The following CSMD3 variants were observed in gnomAD, a reference collection of about 807,000 sequenced individuals.
CSMD3 encodes the protein CUB and sushi domain-containing protein 3.
In CSMD3, 177 loss-of-function variants were observed where a neutral mutation model predicts 435.2. The ratio of observed to expected loss-of-function variants is 0.41; its 90% CI spans 0.36 to 0.46. The LOEUF (loss-of-function observed/expected upper bound fraction) is 0.46. Ranked by LOEUF, CSMD3 falls within the 20% of genes least tolerant of loss-of-function variation. The probability of loss-of-function intolerance (pLI) is 0.34; values close to 1 mark genes in which losing one functional copy is unlikely to be tolerated. For synonymous variants in CSMD3, 1,656 were observed against 1,520.5 expected, an observed-to-expected ratio of 1.09 and a Z score of -2.07; for missense variants, 4,265 against 4,504.6, an observed-to-expected ratio of 0.95 and a Z score of 1.52.
At chr8:113,097,709 T>C (rs1438313781) in intron 5 of CSMD3, among the ~76,000 whole-genome samples, 1 of 152,096 alleles carries the variant, frequency 6.6e-6, no homozygotes, top group Non-Finnish European at 1.5e-5. Context: ...CAATTAAATA[T>C]ATTCAAAACA....
intron 45 of CSMD3, among the ~76,000 whole-genome samples, chr8:112,324,611 G>A (rs781558410): frequency 6.8e-6 from 1 of 147,666 alleles, no homozygotes; most frequent in Admixed American, 6.8e-5. Flanking sequence ...GTTTTCTGGA[G>A]ATGAATGATA....
At chr8:112,876,188 T>C (rs985759327) in intron 10 of CSMD3, among the ~76,000 whole-genome samples, 1 of 152,086 alleles carries the variant, frequency 6.6e-6, no homozygotes, top group Admixed American at 6.6e-5. Flanking sequence ...TAGTAATTAA[T>C]AGTATACCAA....
intron 45 of CSMD3, 75 bp downstream of exon 45, chr8:112,335,254 A>T (rs1824447318): frequency 7.3e-7 from 1 of 1,367,844 alleles, no homozygotes; most frequent in Non-Finnish European, 1.0e-6. Context: ...TTGGTTAAAT[A>T]TATATTACAT....
At chr8:112,330,137 A>T (rs1586787030) in intron 45 of CSMD3, among the ~76,000 whole-genome samples, 1 of 152,154 alleles carries the variant, frequency 6.6e-6, no homozygotes. Context: ...GCATGTCCTT[A>T]CATCTGCAGC....
At chr8:112,281,924 G>A (rs535855357) in intron 58 of CSMD3, among the ~76,000 whole-genome samples, 8 of 152,000 alleles carry the variant, frequency 5.3e-5, no homozygotes, top group East Asian at 3.9e-4. Context: ...ATTAGTAATC[G>A]TTTTCATTAA....
In CSMD3 at chr8:112,689,941, A is replaced by C; in HGVS notation, c.2082T>G (p.Phe694Leu). The change falls in exon 14 of 71, where the codon TTT becomes TTG. Residue 694 changes from phenylalanine (F) to leucine (L), a missense_variant. Coordinates refer to ENST00000297405, the MANE Select transcript of CSMD3 (RefSeq NM_198123.2). ...CAATGGATTTCTCTCCAATTAATTC[A>C]AACCCAAACTGGCATTCAAACCTTA... ...DVLRFECQFGFELIGEKSIVC... is the reference protein window; with the variant it reads ...DVLRFECQFGLELIGEKSIVC... 1 of 1,613,398 alleles carries C rather than the reference A, an allele frequency of 6.2e-7. No individual in the cohort carries two copies. Among genetic ancestry groups the C allele is most frequent in the Non-Finnish European group, 8.5e-7 (1 of 1,179,518 alleles).
In CSMD3 at chr8:112,390,691, G is replaced by A. The variant is rs1427727749; in HGVS notation, c.5907C>T (p.Ile1969=). Residue 1969 remains isoleucine, a synonymous_variant, in exon 36 of 71, where the codon ATC becomes ATT. Transcript: ENST00000297405. ...YDNNLNCVWK[I]TVPEGAGIQV... Reference sequence around the variant, plus strand: ...GAATGCCAGCTCCCTCTGGCACTGTGATCTTCCACACACAATTCAGATTGT... The same window carrying A: ...GAATGCCAGCTCCCTCTGGCACTGTAATCTTCCACACACAATTCAGATTGT... 8.7e-6 allele frequency: 14 copies of A among 1,613,386 alleles called. No individual in the cohort carries two copies. The highest frequency in any genetic ancestry group is 1.2e-5 in the Non-Finnish European group (14 of 1,179,350).
At chr8:112,922,911 A>G (rs554814070) in intron 9 of CSMD3, among the ~76,000 whole-genome samples, 28 of 152,298 alleles carry the variant, frequency 1.8e-4, no homozygotes, top group African/African-American at 4.1e-4. Flanking sequence ...AAAAGTTTAC[A>G]TAACGGTCAA....
rs139308238 is a variant in CSMD3 at position 112,642,408 on chromosome 8, G to A, written c.3310+2701C>T. On this transcript the variant is annotated intron_variant, in intron 20 of 70. Coordinates refer to ENST00000297405, the MANE Select transcript of CSMD3 (RefSeq NM_198123.2). ...GCAATGTAGGCTGAATGACACTGTC[G>A]TTAACTGAGTTTGAAACTACTGAAC... Among the ~76,000 whole-genome samples the A allele has an allele frequency of 4.6e-3, 699 of 152,204 alleles. 7 individuals are homozygous for A. The highest frequency in any genetic ancestry group is 0.016 in the African/African-American group (663 of 41,542).
chr8:112,526,534 T>C (rs1337486277), intron 27 of CSMD3, among the ~76,000 whole-genome samples: 1 of 152,046 alleles, frequency 6.6e-6, no homozygotes, highest in East Asian at 1.9e-4. Context: ...ACAATTTTAT[T>C]GGTTGCAATT....
intron 13 of CSMD3, among the ~76,000 whole-genome samples, chr8:112,705,467 T>A (rs888339303): frequency 6.6e-6 from 1 of 152,102 alleles, no homozygotes; most frequent in Non-Finnish European, 1.5e-5. Context: ...TCTGCTCTGG[T>A]CACTTCTTTG....
intron 1 of CSMD3, among the ~76,000 whole-genome samples, chr8:113,435,674 A>G (rs939294414): frequency 6.6e-6 from 1 of 151,054 alleles, no homozygotes; most frequent in Non-Finnish European, 1.5e-5. Context: ...TGAAAGCGGC[A>G]TCCATAGCGT....
intron 31 of CSMD3, among the ~76,000 whole-genome samples, chr8:112,476,033 T>C (rs964354175): frequency 2.0e-5 from 3 of 152,152 alleles, no homozygotes; most frequent in African/African-American, 4.8e-5. Context: ...CATATTTGCA[T>C]TTTTTAATTT....
intron 60 of CSMD3, among the ~76,000 whole-genome samples, chr8:112,264,722 A>G (rs906324029): frequency 1.3e-5 from 2 of 152,172 alleles, no homozygotes; most frequent in Non-Finnish European, 2.9e-5. Context: ...GTAAGATATT[A>G]AACTATTAAT....
At chr8:113,196,071 T>C (rs1329721362) in intron 3 of CSMD3, among the ~76,000 whole-genome samples, 1 of 150,998 alleles carries the variant, frequency 6.6e-6, no homozygotes, top group Admixed American at 6.6e-5. Context: ...CTTCAGTCCC[T>C]TTCTCACTCC....
intron 16 of CSMD3, 69 bp from the exon 17 acceptor site, chr8:112,666,484 A>G: frequency 7.2e-7 from 1 of 1,379,992 alleles, no homozygotes; most frequent in East Asian, 2.4e-5. Flanking sequence ...TTCTTAATAC[A>G]AACAATTTCA....
intron 3 of CSMD3, among the ~76,000 whole-genome samples, chr8:113,252,090 T>TA (rs2093339555): frequency 6.6e-6 from 1 of 152,060 alleles, no homozygotes; most frequent in South Asian, 2.1e-4. Flanking sequence ...AAAATTTCCT[T>TA]AAAAAATCTG....
At chr8:113,117,422 T>G (rs1045018594) in intron 4 of CSMD3, among the ~76,000 whole-genome samples, 1 of 152,158 alleles carries the variant, frequency 6.6e-6, no homozygotes, top group Non-Finnish European at 1.5e-5. Flanking sequence ...TCAGAGGGTA[T>G]ATGGCAACAC....
intron 4 of CSMD3, among the ~76,000 whole-genome samples, chr8:113,125,190 A>G (rs1293628069): frequency 6.6e-6 from 1 of 151,902 alleles, no homozygotes; most frequent in Non-Finnish European, 1.5e-5. Context: ...TGAACAAGGA[A>G]TTTTTTTGAG....
Sources: allele counts gnomAD v4.1 joint callset (sites outside exome capture counted in the v4.1 genomes callset), GRCh38; gene constraint gnomAD v4.1.1; transcripts MANE v1.5; gene names NCBI Gene and HGNC (gene_info 2026-07-23, HGNC 2026-07-21).